Variants in CTCFL observed in about 807,000 individuals in gnomAD.
CTCFL encodes CCCTC-binding factor like.
In CTCFL, 36 loss-of-function variants were observed where a neutral mutation model predicts 67.4. The ratio of observed to expected loss-of-function variants is 0.53; its 90% CI spans 0.41 to 0.71. CTCFL has a LOEUF of 0.71. CTCFL is among the 30% of genes least tolerant of loss of function. The probability of loss-of-function intolerance (pLI) is 0.00; values close to 1 mark genes in which losing one functional copy is unlikely to be tolerated. For missense variants in CTCFL, 786 were observed against 835.2 expected (o/e 0.94, Z 0.73); for synonymous variants, 324 against 302.3 (o/e 1.07, Z -0.75).
chr20:57,509,311 G>A (rs962142831), intron 8 of CTCFL, among the ~76,000 whole-genome samples: 1 of 143,858 alleles, frequency 7.0e-6, no homozygotes, highest in Non-Finnish European at 1.5e-5. Context: ...TTTGAGACAG[G>A]GTCTCGCTCT....
chr20:57,512,580 A>T lies in CTCFL; in HGVS notation c.1491+12T>A. 1 of 1,612,122 alleles carries T rather than the reference A, an allele frequency of 6.2e-7. No individual in the cohort carries two copies. Among genetic ancestry groups the T allele is most frequent in the Non-Finnish European group, 8.5e-7 (1 of 1,178,396 alleles). On this transcript the variant is annotated intron_variant, in intron 8 of 10. Transcript: ENST00000243914. ...ACACCACTGCCTCTCCAAATTAAGTAAAGTACAATACCTGCTTGCAGGCAT... is the reference window on the plus strand; with the variant it reads ...ACACCACTGCCTCTCCAAATTAAGTTAAGTACAATACCTGCTTGCAGGCAT...
At chr20:57,511,284 T>C (rs555223307) in intron 8 of CTCFL, among the ~76,000 whole-genome samples, 1 of 152,222 alleles carries the variant, frequency 6.6e-6, no homozygotes, top group African/African-American at 2.4e-5. Flanking sequence ...AACAGTTCTG[T>C]CCATCTCGGC....
intron 4 of CTCFL, 84 bp downstream of exon 4, chr20:57,519,122 TA>T: frequency 7.2e-7 from 1 of 1,390,738 alleles, no homozygotes; most frequent in South Asian, 1.3e-5. Flanking sequence ...TACACGATTC[TA>T]CTGTAGAAAC....
At chr20:57,513,796 A>G (rs1158346372) in intron 7 of CTCFL, 2 of 1,272,640 alleles carry the variant, frequency 1.6e-6, no homozygotes, top group African/African-American at 1.5e-5. Flanking sequence ...TTGTTCTGCT[A>G]ACATATTTTT....
Position 57,500,085 on chromosome 20 carries a change from A to T in CTCFL, c.1841-1384T>A, listed in dbSNP as rs113206645. The T allele has an allele frequency of 2.2e-3, 2,005 of 925,170 alleles. 35 individuals are homozygous for T. In the African/African-American group the frequency reaches 0.04, roughly 18 times the overall value. The allele number at this position is 925,170 out of a possible 1,614,324, so 57.3% of individuals were successfully genotyped here. ...ATTTTTGTCCATGCTTCCTTGAAGT[A>T]TTTTTTTTTTTTTTTTTTTGGTGGA... On this transcript the variant is annotated intron_variant, in intron 10 of 10. Coordinates refer to ENST00000243914, the MANE Select transcript of CTCFL (RefSeq NM_001386993.1).
chr20:57,517,755 C>G (rs1268092236), intron 5 of CTCFL, among the ~76,000 whole-genome samples: 2 of 151,922 alleles, frequency 1.3e-5, no homozygotes, highest in African/African-American at 2.4e-5. Context: ...GGCTACCCCC[C>G]ACAGGCTGCG....
At position 57,523,923 on chromosome 20, in the gene CTCFL, G is replaced by C; in HGVS notation, c.283C>G (p.Gln95Glu). 1 of 1,613,092 alleles carries C rather than the reference G, an allele frequency of 6.2e-7. No individual in the cohort carries two copies. The highest frequency in any genetic ancestry group is 8.5e-7 in the Non-Finnish European group (1 of 1,180,018). Residue 95 changes from glutamine to glutamate, a missense_variant, in exon 2 of 11, where the codon CAG becomes GAG. This residue lies in a region of CTCFL where 333 missense variants were observed against 304.6 expected (regional missense o/e 1.09). Coordinates refer to ENST00000243914, the MANE Select transcript of CTCFL (RefSeq NM_001386993.1). ...TGTATGCTCAGCAAGCTCATATCCT[G>C]CAACTCCACAGCTTCAGAAGTGAAG... ...VHFTSEAVEL[Q>E]DMSLLSIQQQ...
chr20:57,512,523 A>C, intron 8 of CTCFL, 69 bp downstream of exon 8: 73 of 1,481,526 alleles, frequency 4.9e-5, no homozygotes, highest in Non-Finnish European at 6.4e-5. Context: ...TCAAGGTGGT[A>C]GAGAATCCCA....
At position 57,515,937 on chromosome 20, in the gene CTCFL, A is replaced by T. The variant is rs1228599604; in HGVS notation, c.1060-103T>A. ...AGAGATTTAAATTAATCATATTTTAACATCAGAGCACCAGAGCATATTTCA... is the reference window on the plus strand; with the variant it reads ...AGAGATTTAAATTAATCATATTTTATCATCAGAGCACCAGAGCATATTTCA... On this transcript the variant is annotated intron_variant, in intron 5 of 10. Coordinates refer to ENST00000243914, the MANE Select transcript of CTCFL (RefSeq NM_001386993.1). The T allele has an allele frequency of 6.3e-6, 8 of 1,275,602 alleles. No homozygotes were observed. The East Asian group carries it at 1.9e-4, about 30-fold the overall frequency. The allele number at this position is 1,275,602 out of a possible 1,614,324, so 79.0% of individuals were successfully genotyped here. A position where few individuals can be genotyped will look rare whatever the true frequency, so the allele number is the denominator to read the frequency against.
At chr20:57,503,016 G>A (rs1441312604) in intron 10 of CTCFL, among the ~76,000 whole-genome samples, 1 of 152,210 alleles carries the variant, frequency 6.6e-6, no homozygotes, top group African/African-American at 2.4e-5. Flanking sequence ...AAGAGGCTAG[G>A]AGGGACCCTC....
chr20:57,514,510 C>T, intron 7 of CTCFL, 82 bp downstream of exon 7: 1 of 1,528,786 alleles, frequency 6.5e-7, no homozygotes, highest in Non-Finnish European at 8.9e-7. Context: ...AGTATCAGGG[C>T]CAGTACTTTG....
chr20:57,524,538 C>T, intron 1 of CTCFL: 1 of 1,106,498 alleles, frequency 9.0e-7, no homozygotes, highest in Non-Finnish European at 1.1e-6. Context: ...AGTGCATATC[C>T]TGGGCCTAGC....
At chr20:57,504,271 C>T (rs953616971) in intron 9 of CTCFL, among the ~76,000 whole-genome samples, 9 of 148,966 alleles carry the variant, frequency 6.0e-5, no homozygotes, top group Non-Finnish European at 9.0e-5. Flanking sequence ...CCACTGCACC[C>T]GCCCCCCGTC....
Position 57,510,911 on chromosome 20 carries a change from C to A in CTCFL, c.1491+1681G>T, listed in dbSNP as rs186188745. Among the ~76,000 whole-genome samples, 13 of 152,266 alleles carry A rather than the reference C, an allele frequency of 8.5e-5. No homozygotes were observed. The East Asian group carries it at 2.3e-3, about 27-fold the overall frequency. On this transcript the variant is annotated intron_variant, in intron 8 of 10. Coordinates refer to ENST00000243914, the MANE Select transcript of CTCFL (RefSeq NM_001386993.1). The stretch of plus-strand genomic sequence containing the variant: ...TGGATTCCTATCTCTGCTCTTCCCT[C>A]AGTCCACTGGAGTATGTTAAGTGAT...
At chr20:57,524,327 G>A in intron 1 of CTCFL, 111 bp from the exon 2 acceptor site, 2 of 1,506,328 alleles carry the variant, frequency 1.3e-6, no homozygotes, top group Admixed American at 2.3e-5. Context: ...ACAAGGTCTG[G>A]CCTCAAAAGG....
chr20:57,519,902 A>T (rs578107144), intron 3 of CTCFL, among the ~76,000 whole-genome samples: 1 of 152,314 alleles, frequency 6.6e-6, no homozygotes, highest in East Asian at 1.9e-4. Context: ...TTGGACTTAA[A>T]CTAATTAAAA....
intron 7 of CTCFL, 149 bp from the exon 8 acceptor site, chr20:57,512,901 T>C (rs951461872): frequency 3.0e-6 from 2 of 672,796 alleles, no homozygotes; most frequent in Admixed American, 3.0e-5. Flanking sequence ...TCCTGTGCAT[T>C]GTAGGATGTT....
chr20:57,498,626 T>G lies in CTCFL; in HGVS notation c.1916A>C (p.Glu639Ala). 2 of 1,614,180 alleles carry G rather than the reference T, an allele frequency of 1.2e-6. No homozygotes were observed. The highest frequency in any genetic ancestry group is 1.7e-6 in the Non-Finnish European group (2 of 1,180,018). Residue 639 changes from glutamate (E) to alanine (A), a missense_variant, in exon 11 of 11, where the codon GAA (glutamate) becomes GCA (alanine). Around this residue, in one of 3 missense-constraint regions of CTCFL, gnomAD observed 199 missense variants for 196.7 expected, o/e 1.01. Transcript: ENST00000243914. ...TTCCTCTTTGACTCTGGCTGTGGTTTCTCTGCAGGCGACAGGAAACATCTC... is the reference window on the plus strand; with the variant it reads ...TTCCTCTTTGACTCTGGCTGTGGTTGCTCTGCAGGCGACAGGAAACATCTC... ...PGEMFPVACR[E>A]TTARVKEEVD...
intron 9 of CTCFL, chr20:57,508,010 G>A (rs755620525): frequency 9.2e-5 from 57 of 616,790 alleles, no homozygotes; most frequent in Non-Finnish European, 7.5e-5. Context: ...TGGTGCGATC[G>A]TGACTCACTG....
Sources: allele counts gnomAD v4.1 joint callset (sites outside exome capture counted in the v4.1 genomes callset), GRCh38; gene constraint gnomAD v4.1.1; regional missense constraint gnomAD v4.1.1; transcripts MANE v1.5; gene names NCBI Gene and HGNC (gene_info 2026-07-23, HGNC 2026-07-21).